Variants in C12orf42 observed in about 807,000 individuals in gnomAD.
The protein encoded by C12orf42 is chromosome 12 open reading frame 42, also known as uncharacterized protein C12orf42.
C12orf42 carries 25 observed loss-of-function variants against 21.6 expected under a neutral mutation model. The observed-to-expected ratio is 1.16, with a 90% confidence interval of 0.84 to 1.62. The LOEUF (loss-of-function observed/expected upper bound fraction) is 1.62. C12orf42 is among the 40% of genes most tolerant of loss of function. The probability of loss-of-function intolerance (pLI) is 0.00; values close to 1 mark genes in which losing one functional copy is unlikely to be tolerated. For synonymous variants in C12orf42, 174 were observed against 175.0 expected (o/e 0.99, Z 0.05); for missense variants, 483 against 459.3 (o/e 1.05, Z -0.47).
intron 4 of C12orf42, among the ~76,000 whole-genome samples, chr12:103,279,425 A>G (rs975064055): frequency 6.6e-6 from 1 of 152,224 alleles, no homozygotes; most frequent in African/African-American, 2.4e-5. Context: ...GTATTTATAT[A>G]CTTATTGATG....
At chr12:103,472,035 TA>T (rs1953653188) in intron 2 of C12orf42, 1 of 149,078 alleles carries the variant, frequency 6.7e-6, no homozygotes. Flanking sequence ...CAAAAAGTTT[TA>T]ATACAACTCA....
chr12:103,096,885 T>A, the C12orf42 span, among the ~76,000 whole-genome samples: 3 of 152,154 alleles, frequency 2.0e-5, no homozygotes, highest in African/African-American at 7.2e-5. Context: ...ACTAGTGTCT[T>A]GCCACTTTTC....
chr12:103,153,575 T>G, the C12orf42 span, among the ~76,000 whole-genome samples: 1 of 152,140 alleles, frequency 6.6e-6, no homozygotes, highest in African/African-American at 2.4e-5. Context: ...TATTAAAAGG[T>G]GCTCAAATTC....
At chr12:103,144,348 T>C in the C12orf42 span, among the ~76,000 whole-genome samples, 1 of 152,228 alleles carries the variant, frequency 6.6e-6, no homozygotes, top group African/African-American at 2.4e-5. Flanking sequence ...GTAGGCAACC[T>C]TGGCTGTGAA....
chr12:103,395,991 G>A (rs1004474981), intron 3 of C12orf42, among the ~76,000 whole-genome samples: 1 of 147,800 alleles, frequency 6.8e-6, no homozygotes, highest in Non-Finnish European at 1.5e-5. Context: ...GTATACCATA[G>A]TTATAACATA....
the C12orf42 span, among the ~76,000 whole-genome samples, chr12:103,203,735 G>T: frequency 2.0e-5 from 3 of 152,130 alleles, no homozygotes; most frequent in African/African-American, 7.2e-5. Flanking sequence ...CAAGTATCTA[G>T]CTAGCAACAA....
intron 1 of C12orf42, among the ~76,000 whole-genome samples, chr12:103,483,401 C>T (rs1047613596): frequency 6.6e-6 from 1 of 152,112 alleles, no homozygotes; most frequent in African/African-American, 2.4e-5. Context: ...AGAAAATTCT[C>T]GAAGGCCTGT....
At chr12:103,360,305 T>C (rs1426363581) in intron 4 of C12orf42, among the ~76,000 whole-genome samples, 2 of 151,648 alleles carry the variant, frequency 1.3e-5, no homozygotes, top group Non-Finnish European at 2.9e-5. Context: ...TCTGCTCCTA[T>C]CCAGATATGG....
chr12:103,122,102 GCT>G, the C12orf42 span, among the ~76,000 whole-genome samples: 2 of 152,310 alleles, frequency 1.3e-5, no homozygotes, highest in East Asian at 3.9e-4. Context: ...TTGGGGCCAG[GCT>G]GGAGGAAGAA....
At chr12:103,413,665 C>T (rs1262946077) in intron 2 of C12orf42, among the ~76,000 whole-genome samples, 4 of 152,022 alleles carry the variant, frequency 2.6e-5, no homozygotes, top group Non-Finnish European at 2.9e-5. Context: ...CCAAAGTCCA[C>T]TGTATCATTC....
chr12:103,333,366 G>A (rs578255386), intron 4 of C12orf42, among the ~76,000 whole-genome samples: 11 of 152,280 alleles, frequency 7.2e-5, no homozygotes, highest in South Asian at 2.1e-4. Context: ...TTGTTACATA[G>A]TAAATGCTCA....
intron 1 of C12orf42, among the ~76,000 whole-genome samples, chr12:103,488,737 G>A (rs1033890931): frequency 1.3e-5 from 2 of 151,994 alleles, no homozygotes; most frequent in Non-Finnish European, 1.5e-5. Flanking sequence ...TCCGCTTCTT[G>A]AATTGGCTAT....
At chr12:103,338,202 A>C (rs1400904984) in intron 4 of C12orf42, among the ~76,000 whole-genome samples, 1 of 152,186 alleles carries the variant, frequency 6.6e-6, no homozygotes, top group Non-Finnish European at 1.5e-5. Context: ...TTTACATTTA[A>C]ATTGCTCCAT....
intron 10 of C12orf42, among the ~76,000 whole-genome samples, chr12:103,256,888 T>A (rs1282380005): frequency 6.6e-6 from 1 of 152,178 alleles, no homozygotes; most frequent in Non-Finnish European, 1.5e-5. Flanking sequence ...GTATAGACAT[T>A]CCCTTTTTCT....
chr12:103,136,600 A>G, the C12orf42 span, among the ~76,000 whole-genome samples: 1 of 152,238 alleles, frequency 6.6e-6, no homozygotes, highest in South Asian at 2.1e-4. Flanking sequence ...AAAATAAAAA[A>G]GCTGGAAGCA....
At position 103,302,511 on chromosome 12, in the gene C12orf42, T is replaced by C. The variant is rs2037803336; in HGVS notation, c.680A>G (p.Gln227Arg). ...STAIGLCRRS[Q>R]TPGALQSTGP... is the part of the protein sequence containing the mutation. ...GGTGCTCTGCAGAGCGCCGGGCGTC[T>C]GGCTCCTCCTGCAGAGGCCGATGGC... Residue 227 changes from glutamine to arginine, a missense_variant, in exon 6 of 6, where the codon CAG becomes CGG. By Grantham distance (43) the Gln-to-Arg change is conservative. Transcript: ENST00000548883. 1.2e-6 allele frequency: 2 copies of C among 1,613,096 alleles called. No individual in the cohort carries two copies. The highest frequency in any genetic ancestry group is 4.5e-5 in the East Asian group (2 of 44,840).
the C12orf42 span, among the ~76,000 whole-genome samples, chr12:103,117,152 T>G: frequency 6.6e-6 from 1 of 152,212 alleles, no homozygotes. Flanking sequence ...TATCCAGCTG[T>G]AAGTTTGTTT....
intron 2 of C12orf42, among the ~76,000 whole-genome samples, chr12:103,410,349 T>C (rs1422833465): frequency 6.6e-6 from 1 of 152,234 alleles, no homozygotes; most frequent in Non-Finnish European, 1.5e-5. Flanking sequence ...ATTTAATCTC[T>C]ATGCTTGTCT....
intron 10 of C12orf42, among the ~76,000 whole-genome samples, chr12:103,262,026 A>T (rs948173377): frequency 2.6e-5 from 4 of 152,242 alleles, no homozygotes; most frequent in African/African-American, 7.2e-5. Flanking sequence ...AGTTATTTTT[A>T]AAAATTTTAA....
Sources: allele counts gnomAD v4.1 joint callset (sites outside exome capture counted in the v4.1 genomes callset), GRCh38; gene constraint gnomAD v4.1.1; transcripts MANE v1.5; gene names NCBI Gene and HGNC (gene_info 2026-07-23, HGNC 2026-07-21).